Variants in IQCH observed in about 807,000 individuals in gnomAD.
IQCH encodes IQ domain-containing protein H.
A neutral mutation model predicts 117.0 loss-of-function variants in IQCH; 98 were observed. The observed-to-expected ratio is 0.84, with a 90% confidence interval of 0.71 to 0.99. The LOEUF is 0.99. IQCH is among the 50% of genes least tolerant of loss of function. The pLI is 0.00. For synonymous variants in IQCH, 412 were observed against 448.2 expected, an observed-to-expected ratio of 0.92 and a Z score of 1.02; for missense variants, 1,102 against 1,243.8, an observed-to-expected ratio of 0.89 and a Z score of 1.72.
Position 67,376,641 on chromosome 15 carries a change from G to A in IQCH, c.1372+3208G>A, listed in dbSNP as rs150009752. Among the ~76,000 whole-genome samples, 47 of 152,306 alleles carry A rather than the reference G, an allele frequency of 3.1e-4. No individual in the cohort carries two copies. In the East Asian group the frequency reaches 7.7e-3, roughly 25 times the overall value. On this transcript the variant is annotated intron_variant, in intron 10 of 20. Transcript: ENST00000335894. The surrounding 1 kb of genome is among the most constrained non-coding windows in gnomAD (Gnocchi z 5.0). ...ACTGCATAATATATTGTAGTTGTAA[G>A]CATTTGGTTATTTATGCAGTTTTGC...
intron 4 of IQCH, among the ~76,000 whole-genome samples, chr15:67,307,794 C>T (rs899112435): frequency 6.6e-6 from 1 of 152,094 alleles, no homozygotes; most frequent in Non-Finnish European, 1.5e-5. Context: ...CTGTAGTCAG[C>T]ATCCTTTCAG....
At chr15:67,284,328 A>G (rs1966478693) in intron 4 of IQCH, among the ~76,000 whole-genome samples, 1 of 152,168 alleles carries the variant, frequency 6.6e-6, no homozygotes. Context: ...ATTTCACTTA[A>G]CATAATGAAG....
intron 3 of IQCH, among the ~76,000 whole-genome samples, chr15:67,278,261 C>A (rs1966211593): frequency 6.6e-6 from 1 of 152,236 alleles, no homozygotes; most frequent in African/African-American, 2.4e-5. Context: ...CTATTTCCTT[C>A]TCTCCCTGCT....
chr15:67,419,138 T>C lies in IQCH; in HGVS notation c.2218+2087T>C, dbSNP rs537321048. ...CTGCTTTCTCAGCCATGCTTATTTA[T>C]GGAGAGCAGTACAAGCCTTGTTAAC... On this transcript the variant is annotated intron_variant, in intron 15 of 20. Coordinates refer to ENST00000335894, the MANE Select transcript of IQCH (RefSeq NM_001031715.3). Among the ~76,000 whole-genome samples the C allele has an allele frequency of 2.8e-4, 42 of 152,304 alleles. 1 individual carries two copies. The South Asian group carries it at 8.7e-3, about 32-fold the overall frequency.
intron 2 of IQCH, among the ~76,000 whole-genome samples, chr15:67,262,188 A>G (rs150035508): frequency 4.6e-5 from 7 of 152,358 alleles, no homozygotes; most frequent in African/African-American, 1.7e-4. Context: ...AATGGGTAAA[A>G]CTAAAGAAAT....
intron 3 of IQCH, among the ~76,000 whole-genome samples, chr15:67,273,125 C>T (rs965516241): frequency 6.6e-6 from 1 of 152,034 alleles, no homozygotes; most frequent in African/African-American, 2.4e-5. Context: ...GGCTGGAGTG[C>T]AGTGTTGCAA....
At chr15:67,269,642 C>G (rs1965817970) in intron 3 of IQCH, among the ~76,000 whole-genome samples, 1 of 151,898 alleles carries the variant, frequency 6.6e-6, no homozygotes, top group African/African-American at 2.4e-5. Flanking sequence ...CACCCCTCAT[C>G]CCTCTCCTCC....
At chr15:67,345,382 A>G (rs1969342497) in intron 6 of IQCH, among the ~76,000 whole-genome samples, 1 of 152,192 alleles carries the variant, frequency 6.6e-6, no homozygotes, top group Non-Finnish European at 1.5e-5. Flanking sequence ...GGATTTAGTG[A>G]TTCACATCCA....
At chr15:67,329,841 C>CACACACATAT (rs1968583226) in intron 4 of IQCH, among the ~76,000 whole-genome samples, 1 of 151,324 alleles carries the variant, frequency 6.6e-6, no homozygotes, top group Non-Finnish European at 1.5e-5. Context: ...CACACACACA[C>CACACACATAT]ACACATATAC....
rs371728397 is a variant in IQCH at position 67,301,601 on chromosome 15, G to A, written c.387+22089G>A. On this transcript the variant is annotated intron_variant, in intron 4 of 20. Coordinates refer to ENST00000335894, the MANE Select transcript of IQCH (RefSeq NM_001031715.3). The stretch of plus-strand genomic sequence containing the variant: ...ATTTTTGTATTTTTAGTAGAGACGG[G>A]GTTTCACCATGTTGGCCAGGCTGGT... 2.6e-5 allele frequency among the ~76,000 whole-genome samples: 4 copies of A among 151,482 alleles called. No homozygotes were observed. In the South Asian group the frequency reaches 8.4e-4, roughly 32 times the overall value.
At chr15:67,321,154 T>G (rs1490060415) in intron 4 of IQCH, among the ~76,000 whole-genome samples, 2 of 152,168 alleles carry the variant, frequency 1.3e-5, no homozygotes, top group Non-Finnish European at 2.9e-5. Flanking sequence ...TACTGTTTTT[T>G]GTGGGGGATT....
chr15:67,438,609 A>G (rs1391098329), intron 16 of IQCH, among the ~76,000 whole-genome samples: 1 of 152,236 alleles, frequency 6.6e-6, no homozygotes, highest in Non-Finnish European at 1.5e-5. Flanking sequence ...CACTTAAAAG[A>G]TACAGAACTG....
intron 16 of IQCH, among the ~76,000 whole-genome samples, chr15:67,428,771 C>G (rs1216313629): frequency 2.6e-5 from 4 of 151,694 alleles, no homozygotes; most frequent in Non-Finnish European, 1.5e-5. Flanking sequence ...ATCGCTTGAA[C>G]CCGGGTGGTG....
In IQCH at chr15:67,440,567, C is replaced by T. The variant is rs192631561; in HGVS notation, c.2505+18990C>T. Among the ~76,000 whole-genome samples the T allele has an allele frequency of 1.7e-4, 26 of 152,272 alleles. No individual in the cohort carries two copies. The East Asian group carries it at 1.7e-3, about 10-fold the overall frequency. ...AGGGATGCAGGGATGGTTTAACATA[C>T]GCAAGTCAATAAATGTGATACACTA... is the stretch of plus-strand genomic sequence containing the variant. On this transcript the variant is annotated intron_variant, in intron 16 of 20. Coordinates refer to ENST00000335894, the MANE Select transcript of IQCH (RefSeq NM_001031715.3).
chr15:67,276,197 T>A (rs1474986526), intron 3 of IQCH, among the ~76,000 whole-genome samples: 1 of 152,172 alleles, frequency 6.6e-6, no homozygotes, highest in Non-Finnish European at 1.5e-5. Context: ...AATATCTAAA[T>A]TCACTTCTAA....
At chr15:67,483,192 T>C (rs1312451326) in intron 18 of IQCH, among the ~76,000 whole-genome samples, 5 of 152,152 alleles carry the variant, frequency 3.3e-5, no homozygotes, top group Non-Finnish European at 5.9e-5. Context: ...AAACAACTGC[T>C]TGAAGGCATT....
At position 67,391,568 on chromosome 15, in the gene IQCH, C is replaced by A. The variant is rs1971285379; in HGVS notation, c.1632+2562C>A. 6.6e-6 allele frequency among the ~76,000 whole-genome samples: 1 copy of A among 152,068 alleles called. No homozygotes were observed. On this transcript the variant is annotated intron_variant, in intron 12 of 20. Coordinates refer to ENST00000335894, the MANE Select transcript of IQCH (RefSeq NM_001031715.3). This position sits in a 1 kb window ranked among gnomAD's most constrained non-coding sequence, Gnocchi z 4.3. Reference sequence around the variant, plus strand: ...GTGTTTATGAAGACATCCTAAACAACTACCTTTTATCTCAGGTCAAAAAAA... The same window carrying A: ...GTGTTTATGAAGACATCCTAAACAAATACCTTTTATCTCAGGTCAAAAAAA...
At chr15:67,383,944 C>T (rs1971025022) in intron 10 of IQCH, among the ~76,000 whole-genome samples, 1 of 152,150 alleles carries the variant, frequency 6.6e-6, no homozygotes, top group Non-Finnish European at 1.5e-5. Flanking sequence ...TGGTCTGAAG[C>T]CCCATTGCCT....
chr15:67,343,782 G>C (rs1174195192), intron 5 of IQCH, among the ~76,000 whole-genome samples: 1 of 152,082 alleles, frequency 6.6e-6, no homozygotes, highest in Non-Finnish European at 1.5e-5. Flanking sequence ...AGAAGTTTTA[G>C]TTTGCCTTGA....
Sources: gnomAD v4.1 joint callset for allele counts (sites outside exome capture counted in the v4.1 genomes callset) on GRCh38, gnomAD v4.1.1 for gene constraint, Gnocchi (gnomAD v3.1) non-coding constraint, MANE v1.5 for transcripts, NCBI Gene and HGNC (gene_info 2026-07-23, HGNC 2026-07-21) for gene names.